GRM1: variants seen among roughly 807,000 people sequenced by gnomAD.
GRM1 encodes the protein metabotropic glutamate receptor 1.
In GRM1, 33 loss-of-function variants were observed where a neutral mutation model predicts 90.9. The ratio of observed to expected loss-of-function variants is 0.36; its 90% CI spans 0.28 to 0.49. The LOEUF is 0.49. GRM1 is among the 20% of genes least tolerant of loss of function. The probability of loss-of-function intolerance (pLI) is 0.99; values close to 1 mark genes in which losing one functional copy is unlikely to be tolerated. For missense variants in GRM1, 1,190 were observed against 1,534.3 expected, an observed-to-expected ratio of 0.78 and a Z score of 3.75; for synonymous variants, 700 against 613.2, an observed-to-expected ratio of 1.14 and a Z score of -2.09.
intron 1 of GRM1, among the ~76,000 whole-genome samples, chr6:146,064,552 T>G (rs1775779504): frequency 6.6e-6 from 1 of 152,210 alleles, no homozygotes; most frequent in Non-Finnish European, 1.5e-5. Flanking sequence ...AATATGATAA[T>G]GCTTTTCCTG....
intron 5 of GRM1, among the ~76,000 whole-genome samples, chr6:146,370,328 C>A (rs1408285646): frequency 1.3e-5 from 2 of 151,992 alleles, no homozygotes; most frequent in Admixed American, 6.6e-5. Flanking sequence ...TCCAGAATGA[C>A]AGCTCCTCAT....
chr6:146,098,211 T>C (rs1243780273), intron 1 of GRM1, among the ~76,000 whole-genome samples: 1 of 152,204 alleles, frequency 6.6e-6, no homozygotes, highest in Non-Finnish European at 1.5e-5. Flanking sequence ...GAATCATTTT[T>C]AATATATTGG....
At chr6:146,147,785 G>T (rs764446971) in intron 1 of GRM1, among the ~76,000 whole-genome samples, 2 of 151,948 alleles carry the variant, frequency 1.3e-5, no homozygotes, top group Admixed American at 1.3e-4. Context: ...ACAGAGAGGG[G>T]GTCCTGAGTC....
intron 1 of GRM1, among the ~76,000 whole-genome samples, chr6:146,073,305 C>T (rs528785317): frequency 3.6e-4 from 54 of 152,110 alleles, no homozygotes; most frequent in African/African-American, 1.3e-3. Flanking sequence ...GAAGTCAAAA[C>T]ATTTTCAATG....
At chr6:146,090,550 G>T (rs983875609) in intron 1 of GRM1, among the ~76,000 whole-genome samples, 8 of 152,080 alleles carry the variant, frequency 5.3e-5, no homozygotes, top group Non-Finnish European at 1.2e-4. Flanking sequence ...GCCTTTATTG[G>T]AGCAAAATAA....
intron 1 of GRM1, among the ~76,000 whole-genome samples, chr6:146,119,657 A>G (rs1366618384): frequency 6.6e-6 from 1 of 152,196 alleles, no homozygotes; most frequent in Non-Finnish European, 1.5e-5. Context: ...CTTTCTACAT[A>G]TGATTAGCCA....
At chr6:146,245,395 C>G (rs1781021764) in intron 2 of GRM1, among the ~76,000 whole-genome samples, 1 of 152,068 alleles carries the variant, frequency 6.6e-6, no homozygotes, top group South Asian at 2.1e-4. Flanking sequence ...TTGATGTTTT[C>G]TAAAATTTCA....
chr6:146,285,622 A>G (rs1260499582), intron 2 of GRM1, among the ~76,000 whole-genome samples: 1 of 152,136 alleles, frequency 6.6e-6, no homozygotes. Flanking sequence ...TGCTATTCTT[A>G]TCTCTTTGCA....
At chr6:146,107,463 C>T (rs1310421249) in intron 1 of GRM1, among the ~76,000 whole-genome samples, 7 of 151,968 alleles carry the variant, frequency 4.6e-5, no homozygotes, top group Non-Finnish European at 1.0e-4. Flanking sequence ...CCCTCAGAGG[C>T]TTCCTGCAGG....
intron 3 of GRM1, among the ~76,000 whole-genome samples, chr6:146,347,402 G>A (rs1453989824): frequency 1.3e-5 from 2 of 152,240 alleles, no homozygotes; most frequent in East Asian, 3.9e-4. Context: ...ATTTAGATCC[G>A]AATAAGAAGT....
rs192161023 is a variant in GRM1, at chr6:146,423,994, C to A, written c.2661-9878C>A. On this transcript the variant is annotated intron_variant, in intron 7 of 7. Transcript: ENST00000282753. The stretch of plus-strand genomic sequence containing the variant: ...TGAAGTCCCACCAGACACGGCCATC[C>A]CCATTTTGTGACTGCACGTGCTCAG... Among the ~76,000 whole-genome samples, 390 of 152,266 alleles carry A rather than the reference C, an allele frequency of 2.6e-3. 3 individuals are homozygous for A. Among genetic ancestry groups the A allele is most frequent in the African/African-American group, 9.1e-3 (380 of 41,546 alleles).
At chr6:146,391,106 A>G (rs1470643758) in intron 6 of GRM1, among the ~76,000 whole-genome samples, 2 of 152,072 alleles carry the variant, frequency 1.3e-5, no homozygotes, top group East Asian at 3.8e-4. Context: ...ATAGAGTTTT[A>G]TTTCTTAATT....
chr6:146,041,229 A>G, intron 1 of GRM1, among the ~76,000 whole-genome samples: 1 of 151,974 alleles, frequency 6.6e-6, no homozygotes, highest in East Asian at 1.9e-4. Flanking sequence ...GAGCTCACAT[A>G]TTGCCATCTC....
intron 1 of GRM1, among the ~76,000 whole-genome samples, chr6:146,114,253 G>A (rs184195366): frequency 3.4e-4 from 52 of 152,176 alleles, no homozygotes; most frequent in African/African-American, 1.2e-3. Flanking sequence ...TATTAAATAG[G>A]CAAAAAACTT....
chr6:146,115,329 A>T (rs1562472519), intron 1 of GRM1, among the ~76,000 whole-genome samples: 1 of 152,082 alleles, frequency 6.6e-6, no homozygotes, highest in South Asian at 2.1e-4. Flanking sequence ...AAAATATTAT[A>T]TATGTATAGT....
chr6:146,365,703 A>G (rs1775657825), intron 5 of GRM1, among the ~76,000 whole-genome samples: 1 of 152,192 alleles, frequency 6.6e-6, no homozygotes, highest in Non-Finnish European at 1.5e-5. Context: ...CTTTCACCAG[A>G]TAGCTACGCC....
chr6:146,434,256 T>A lies in GRM1; in HGVS notation c.3045T>A (p.Pro1015=), dbSNP rs1290006383. 1.3e-6 allele frequency: 2 copies of A among 1,599,860 alleles called. No individual in the cohort carries two copies. Among genetic ancestry groups the A allele is most frequent in the East Asian group, 2.2e-5 (1 of 44,576 alleles). ...CAGCCCTCCCCAAGGGCTTGCCCCC[T>A]CCTCTCCAGCAGCAGCAGCAACCCC... ...AEPALPKGLP[P]PLQQQQQPPP... is the part of the protein sequence containing the mutation. The change falls in exon 8 of 8, where the codon CCT becomes CCA. Residue 1015 remains proline (P), a synonymous_variant. Transcript: ENST00000282753.
At chr6:146,423,854 C>CA (rs761849846) in intron 7 of GRM1, among the ~76,000 whole-genome samples, 2 of 152,154 alleles carry the variant, frequency 1.3e-5, no homozygotes, top group Non-Finnish European at 2.9e-5. Context: ...GCTCCTGATT[C>CA]AAAAAGCAGA....
chr6:146,389,586 TG>T (rs1459569303), intron 6 of GRM1, among the ~76,000 whole-genome samples: 2 of 152,062 alleles, frequency 1.3e-5, no homozygotes, highest in Non-Finnish European at 2.9e-5. Context: ...AAATTCTCCT[TG>T]GTTAAAAATG....
Sources: gnomAD v4.1 joint callset for allele counts (sites outside exome capture counted in the v4.1 genomes callset) on GRCh38, gnomAD v4.1.1 for gene constraint, MANE v1.5 for transcripts, NCBI Gene and HGNC (gene_info 2026-07-23, HGNC 2026-07-21) for gene names.